Variants in POLR2E observed in about 807,000 individuals in gnomAD.
POLR2E encodes the protein RNA polymerase II, I and III subunit E.
A neutral mutation model predicts 29.8 loss-of-function variants in POLR2E; 35 were observed. That is an observed-to-expected ratio of 1.17 (90% CI 0.90 to 1.55). The LOEUF is 1.55. Among genes scored for constraint, POLR2E ranks in the 40% most tolerant of loss-of-function variants. POLR2E has a pLI of 0.00. For missense variants in POLR2E, 287 were observed against 288.6 expected (o/e 0.99, Z 0.04); for synonymous variants, 174 against 112.6 (o/e 1.55, Z -3.45).
At chr19:1,091,653 G>C (rs988901627) in intron 3 of POLR2E, 139 bp downstream of exon 3, 1 of 639,730 alleles carries the variant, frequency 1.6e-6, no homozygotes, top group Non-Finnish European at 2.8e-6. Context: ...GGGGCTTGCC[G>C]GACATCCCGG....
rs1165979594 is a variant in POLR2E at position 1,089,914 on chromosome 19, C to T, written c.537G>A (p.Val179=). 3.1e-6 allele frequency: 5 copies of T among 1,612,768 alleles called. No individual in the cohort carries two copies. The highest frequency in any genetic ancestry group is 2.7e-5 in the African/African-American group (2 of 74,878). Residue 179 remains valine, a synonymous_variant, in exon 6 of 8, where the codon GTG becomes GTA. Coordinates refer to ENST00000615234, the MANE Select transcript of POLR2E (RefSeq NM_002695.5). The part of the protein sequence containing the change: ...QLPRIQAGDP[V]ARYFGIKRGQ... The stretch of plus-strand genomic sequence containing the variant: ...CACGCTTTATCCCAAAGTAGCGCGC[C>T]ACAGGGTCCCCCGCCTGGATCCTGG...
chr19:1,092,007 G>C (rs2043843438), intron 2 of POLR2E, 100 bp from the exon 3 acceptor site: 1 of 810,504 alleles, frequency 1.2e-6, no homozygotes, highest in Non-Finnish European at 2.1e-6. Flanking sequence ...ATTCCACACA[G>C]GTGTCTCTCC....
Position 1,090,966 on chromosome 19 carries a change from T to G in POLR2E, c.371A>C (p.Lys124Thr). ...CTGCAGAAACTGCTCCAGGATGTAC[T>G]TGGGGGCCATGTCGACCAGGGACTG... is the stretch of plus-strand genomic sequence containing the variant. ...AKQSLVDMAP[K>T]YILEQFLQQE... The change falls in exon 4 of 8, where the codon AAG becomes ACG. Residue 124 changes from lysine (K) to threonine (T), a missense_variant. Coordinates refer to ENST00000615234, the MANE Select transcript of POLR2E (RefSeq NM_002695.5). 1 of 1,613,724 alleles carries G rather than the reference T, an allele frequency of 6.2e-7. No homozygotes were observed. Among genetic ancestry groups the G allele is most frequent in the Non-Finnish European group, 8.5e-7 (1 of 1,179,984 alleles).
At chr19:1,092,924 G>A (rs537645116) in intron 2 of POLR2E, among the ~76,000 whole-genome samples, 10 of 142,820 alleles carry the variant, frequency 7.0e-5, no homozygotes, top group South Asian at 6.8e-4. Context: ...GGTGGCTCAC[G>A]CCTGTAATCC....
chr19:1,089,871 C>G lies in POLR2E; in HGVS notation c.567+13G>C. The G allele has an allele frequency of 1.2e-6, 2 of 1,607,548 alleles. No individual in the cohort carries two copies. Among genetic ancestry groups the G allele is most frequent in the Non-Finnish European group, 1.7e-6 (2 of 1,176,366 alleles). ...AGAGCAGCCCCAGGGCCCCTTCTCCCCACAGGGCTCACCTGCCCACGCTTT... is the reference window on the plus strand; with the variant it reads ...AGAGCAGCCCCAGGGCCCCTTCTCCGCACAGGGCTCACCTGCCCACGCTTT... On this transcript the variant is annotated intron_variant, in intron 6 of 7. Transcript: ENST00000615234.
intron 3 of POLR2E, among the ~76,000 whole-genome samples, chr19:1,091,243 G>A (rs1216598980): frequency 3.3e-5 from 5 of 152,244 alleles, no homozygotes; most frequent in Non-Finnish European, 7.3e-5. Flanking sequence ...CACGCTTCCA[G>A]GGGCGGCCCT....
At chr19:1,093,771 G>A in intron 2 of POLR2E, 133 bp downstream of exon 2, 1 of 1,417,206 alleles carries the variant, frequency 7.1e-7, no homozygotes, top group Non-Finnish European at 9.2e-7. Context: ...GGAAGGGGAG[G>A]GGAGTTTTCC....
rs914404373 is a variant in POLR2E, at chr19:1,094,019, C to G, written c.117G>C (p.Glu39Asp). Reference protein sequence around the residue: ...TQDELDQTLEEFKAQSGDKPS... With the variant: ...TQDELDQTLEDFKAQSGDKPS... ...GCTTGTCCCCAGATTGGGCTTTGAACTCCTCCAGGGTCTGGTCAAGCTCGT... is the reference window on the plus strand; with the variant it reads ...GCTTGTCCCCAGATTGGGCTTTGAAGTCCTCCAGGGTCTGGTCAAGCTCGT... Residue 39 changes from glutamate to aspartate, a missense_variant, in exon 2 of 8, where the codon GAG becomes GAC. Transcript: ENST00000615234. 6.8e-6 allele frequency: 11 copies of G among 1,613,848 alleles called. No individual in the cohort carries two copies. Among genetic ancestry groups the G allele is most frequent in the Non-Finnish European group, 9.3e-6 (11 of 1,179,906 alleles).
chr19:1,090,780 G>C, intron 4 of POLR2E, 128 bp downstream of exon 4: 1 of 772,302 alleles, frequency 1.3e-6, no homozygotes, highest in Non-Finnish European at 2.0e-6. Flanking sequence ...CACCCTTTGA[G>C]AACCCTGTCC....
rs2043800862 is a variant in POLR2E, at chr19:1,090,281, G to GCCCACCCAC, written c.430-145_430-137dup. 5 of 748,124 alleles carry GCCCACCCAC rather than the reference G, an allele frequency of 6.7e-6. No individual in the cohort carries two copies. The Admixed American group carries it at 8.2e-5, about 12-fold the overall frequency. 46.3% of individuals were successfully genotyped at this position (748,124 alleles called of 1,614,324 possible). A position where few individuals can be genotyped will look rare whatever the true frequency, so the allele number is the denominator to read the frequency against. Reference sequence around the variant, plus strand: ...CACCCCGATCCCCGGCACTCAGGGAGCCCACCCACCCCACCCTGGCTCCAC... The same window carrying GCCCACCCAC: ...CACCCCGATCCCCGGCACTCAGGGAGCCCACCCACCCCACCCACCCCACCCTGGCTCCAC... On this transcript the variant is annotated intron_variant, in intron 4 of 7. Transcript: ENST00000615234.
intron 4 of POLR2E, 132 bp from the exon 5 acceptor site, chr19:1,090,277 G>T: frequency 1.3e-6 from 1 of 771,292 alleles, no homozygotes. Flanking sequence ...CCGGCACTCA[G>T]GGAGCCCACC....
Position 1,089,655 on chromosome 19 carries a change from CGA to C in POLR2E, c.568-106_568-105del. The C allele has an allele frequency of 1.9e-5, 19 of 1,008,510 alleles. No individual in the cohort carries two copies. In the South Asian group the frequency reaches 2.6e-4, roughly 14 times the overall value. The allele number at this position is 1,008,510 out of a possible 1,614,324, so 62.5% of individuals were successfully genotyped here. A position where few individuals can be genotyped will look rare whatever the true frequency, so the allele number is the denominator to read the frequency against. ...GGGCTGGGGATGGCCGGCAGGGGTC[CGA>C]GATGGCTGACCCTGGGCTGTGGGAC... On this transcript the variant is annotated intron_variant, in intron 6 of 7. Coordinates refer to ENST00000615234, the MANE Select transcript of POLR2E (RefSeq NM_002695.5).
At position 1,087,186 on chromosome 19, in the gene POLR2E, T is replaced by G. The variant is rs1284239276; in HGVS notation, c.*1549A>C. On this transcript the variant is annotated 3_prime_UTR_variant, in exon 8 of 8. Coordinates refer to ENST00000615234, the MANE Select transcript of POLR2E (RefSeq NM_002695.5). Reference sequence around the variant, plus strand: ...TAAAGTTTTTTGTAGAGGTGGGGGGTTTCTCTGTGTTGCCCGGGCTGGTCT... The same window carrying G: ...TAAAGTTTTTTGTAGAGGTGGGGGGGTTCTCTGTGTTGCCCGGGCTGGTCT... The G allele has an allele frequency of 6.8e-6, 1 of 147,950 alleles. No individual in the cohort carries two copies. Among genetic ancestry groups the G allele is most frequent in the Non-Finnish European group, 1.5e-5 (1 of 67,214 alleles). 9.2% of individuals were successfully genotyped at this position (147,950 alleles called of 1,614,324 possible).
At chr19:1,092,181 TGA>T in intron 2 of POLR2E, 1 of 411,302 alleles carries the variant, frequency 2.4e-6, no homozygotes, top group Non-Finnish European at 4.6e-6. Flanking sequence ...CCTTCGACTC[TGA>T]GAGGCTCCCA....
At chr19:1,090,827 G>A in intron 4 of POLR2E, 81 bp downstream of exon 4, 1 of 1,246,544 alleles carries the variant, frequency 8.0e-7, no homozygotes, top group Non-Finnish European at 1.1e-6. Flanking sequence ...CTGGGCCCCA[G>A]ATCCCACATC....
At chr19:1,089,719 G>A (rs2043787863) in intron 6 of POLR2E, 165 bp downstream of exon 6, 11 of 781,062 alleles carry the variant, frequency 1.4e-5, no homozygotes, top group South Asian at 4.9e-5. Flanking sequence ...TCTTCTCTGG[G>A]CCCAGTGGCC....
At chr19:1,093,346 G>A (rs2043877443) in intron 2 of POLR2E, among the ~76,000 whole-genome samples, 1 of 152,254 alleles carries the variant, frequency 6.6e-6, no homozygotes, top group East Asian at 1.9e-4. Flanking sequence ...CCATACTAGG[G>A]AGGCAGACAG....
At chr19:1,092,906 C>T (rs1388821002) in intron 2 of POLR2E, among the ~76,000 whole-genome samples, 1 of 124,542 alleles carries the variant, frequency 8.0e-6, no homozygotes, top group East Asian at 2.6e-4. Flanking sequence ...AAAAAAAAGA[C>T]TGGGCGCGGT....
chr19:1,088,492 C>G lies in POLR2E; in HGVS notation c.*243G>C, dbSNP rs1306113924. 6.6e-6 allele frequency: 1 copy of G among 152,278 alleles called. No homozygotes were observed. The highest frequency in any genetic ancestry group is 1.5e-5 in the Non-Finnish European group (1 of 68,102). The allele number at this position is 152,278 out of a possible 1,614,324, so 9.4% of individuals were successfully genotyped here. On this transcript the variant is annotated 3_prime_UTR_variant, in exon 8 of 8. Coordinates refer to ENST00000615234, the MANE Select transcript of POLR2E (RefSeq NM_002695.5). ...CCAGCTGCCCCCAGGTGACCTCCCT[C>G]TGGGGGCCTTGTTCCTTCTGAGGCT...
Sources: allele counts gnomAD v4.1 joint callset (sites outside exome capture counted in the v4.1 genomes callset), GRCh38; gene constraint gnomAD v4.1.1; transcripts MANE v1.5; gene names NCBI Gene and HGNC (gene_info 2026-07-23, HGNC 2026-07-21).